WWOX: variants seen among roughly 807,000 people sequenced by gnomAD.
WWOX encodes WW domain containing oxidoreductase, also known as WW domain-containing oxidoreductase.
In WWOX, 69 loss-of-function variants were observed where a neutral mutation model predicts 46.2. The ratio of observed to expected loss-of-function variants is 1.49; its 90% CI spans 1.23 to 1.82. The LOEUF (loss-of-function observed/expected upper bound fraction) is 1.82, where lower values mean the gene tolerates loss of function less well. WWOX is among the 40% of genes most tolerant of loss of function. The pLI, the probability that WWOX is intolerant of heterozygous loss-of-function variation, is 0.00. For missense variants in WWOX, 919 were observed against 542.6 expected (o/e 1.69, Z -6.89); for synonymous variants, 359 against 202.6 (o/e 1.77, Z -6.56).
chr16:78,963,772 A>G (rs762200741), intron 8 of WWOX, among the ~76,000 whole-genome samples: 4 of 152,132 alleles, frequency 2.6e-5, no homozygotes, highest in Non-Finnish European at 5.9e-5. Context: ...TAAAGGTGCT[A>G]CTGACTTGCT....
intron 8 of WWOX, among the ~76,000 whole-genome samples, chr16:79,112,937 G>A (rs2049445149): frequency 6.6e-6 from 1 of 152,170 alleles, no homozygotes. Context: ...AACCACTTTT[G>A]CTCTCTGCTG....
intron 5 of WWOX, among the ~76,000 whole-genome samples, chr16:78,195,603 C>T (rs1056985060): frequency 6.6e-6 from 1 of 151,988 alleles, no homozygotes; most frequent in African/African-American, 2.4e-5. Context: ...GGGCGAATCA[C>T]CCCAGGTCAG....
rs183813264 is a variant in WWOX at position 78,568,929 on chromosome 16, G to C, written c.1056+136177G>C. ...TCCTAACACTGTCATCCTTATACTT[G>C]AGGTCTTATTGTCCACTTCTACCTT... On this transcript the variant is annotated intron_variant, in intron 8 of 8. Transcript: ENST00000566780. 1.1e-4 allele frequency among the ~76,000 whole-genome samples: 16 copies of C among 152,254 alleles called. No homozygotes were observed. In the East Asian group the frequency reaches 3.1e-3, roughly 29 times the overall value.
chr16:78,314,695 T>G (rs1287308570), intron 5 of WWOX, among the ~76,000 whole-genome samples: 1 of 66,162 alleles, frequency 1.5e-5, no homozygotes, highest in Admixed American at 1.5e-4. Flanking sequence ...GGGGTTTTTT[T>G]TTTTTGTTTT....
intron 6 of WWOX, among the ~76,000 whole-genome samples, chr16:78,392,410 T>G (rs190737935): frequency 6.6e-6 from 1 of 152,276 alleles, no homozygotes; most frequent in East Asian, 1.9e-4. Flanking sequence ...TCCCACCGAT[T>G]GTACATTATG....
At chr16:78,545,653 G>A (rs912478222) in intron 8 of WWOX, among the ~76,000 whole-genome samples, 4 of 152,224 alleles carry the variant, frequency 2.6e-5, no homozygotes, top group African/African-American at 9.6e-5. Context: ...AACAGGCACC[G>A]TGTTCATTTG....
chr16:78,304,896 C>A (rs1362172039), intron 5 of WWOX, among the ~76,000 whole-genome samples: 1 of 152,178 alleles, frequency 6.6e-6, no homozygotes, highest in Non-Finnish European at 1.5e-5. Context: ...TCCCCATTTT[C>A]CTCACTATCC....
At chr16:79,019,991 C>A (rs1364855367) in intron 8 of WWOX, among the ~76,000 whole-genome samples, 4 of 152,162 alleles carry the variant, frequency 2.6e-5, no homozygotes, top group African/African-American at 9.7e-5. Flanking sequence ...TCTACTAATC[C>A]CCACTGTGGG....
At chr16:79,085,073 G>C (rs2048829703) in intron 8 of WWOX, among the ~76,000 whole-genome samples, 1 of 152,136 alleles carries the variant, frequency 6.6e-6, no homozygotes, top group African/African-American at 2.4e-5. Flanking sequence ...TTACAGGCAT[G>C]AGTCGCCACA....
chr16:78,281,313 G>C (rs12935780), intron 5 of WWOX, among the ~76,000 whole-genome samples: 1 of 152,114 alleles, frequency 6.6e-6, no homozygotes, highest in Non-Finnish European at 1.5e-5. Context: ...ATGAGATTTG[G>C]GCGGGGACAA....
chr16:78,656,069 T>A (rs2047073715), intron 8 of WWOX, among the ~76,000 whole-genome samples: 1 of 152,218 alleles, frequency 6.6e-6, no homozygotes. Context: ...TATTCTTCTC[T>A]CTTTCTGATT....
chr16:78,754,487 T>C (rs901071226), intron 8 of WWOX, among the ~76,000 whole-genome samples: 1 of 152,208 alleles, frequency 6.6e-6, no homozygotes, highest in East Asian at 1.9e-4. Flanking sequence ...CGCTTTCTTT[T>C]CCTCACCTTC....
At chr16:78,186,929 G>C (rs370122793) in intron 5 of WWOX, among the ~76,000 whole-genome samples, 1 of 152,134 alleles carries the variant, frequency 6.6e-6, no homozygotes, top group Non-Finnish European at 1.5e-5. Flanking sequence ...ATTGACACTG[G>C]CATGATAATA....
chr16:78,406,262 A>G (rs1279692488), intron 6 of WWOX, among the ~76,000 whole-genome samples: 1 of 135,498 alleles, frequency 7.4e-6, no homozygotes, highest in Admixed American at 7.9e-5. Context: ...TTTTGTGAGG[A>G]TGATGATATA....
intron 8 of WWOX, among the ~76,000 whole-genome samples, chr16:78,517,222 T>C (rs17720613): frequency 0.04 from 6,159 of 152,258 alleles, 270 homozygotes; most frequent in South Asian, 0.21. Context: ...TCATCTATTA[T>C]TAAGTTACCT....
chr16:78,362,325 C>G (rs886277975), intron 5 of WWOX, among the ~76,000 whole-genome samples: 1 of 152,102 alleles, frequency 6.6e-6, no homozygotes, highest in Non-Finnish European at 1.5e-5. Flanking sequence ...AAGAAAAAAA[C>G]AGGACAGGCA....
chr16:79,031,448 G>A (rs866871799), intron 8 of WWOX, among the ~76,000 whole-genome samples: 1 of 151,960 alleles, frequency 6.6e-6, no homozygotes, highest in African/African-American at 2.4e-5. Flanking sequence ...GCTGAAGAAA[G>A]GGACTCAATT....
At chr16:78,284,852 T>G (rs2079741042) in intron 5 of WWOX, among the ~76,000 whole-genome samples, 1 of 152,230 alleles carries the variant, frequency 6.6e-6, no homozygotes, top group Non-Finnish European at 1.5e-5. Flanking sequence ...CATACGATAT[T>G]TGATCTTTCA....
chr16:78,720,918 C>A (rs1419876260), intron 8 of WWOX, among the ~76,000 whole-genome samples: 2 of 152,134 alleles, frequency 1.3e-5, no homozygotes, highest in African/African-American at 4.8e-5. Flanking sequence ...CCCCCATCCT[C>A]AGGATGAAAC....
Sources: gnomAD v4.1 joint callset for allele counts (sites outside exome capture counted in the v4.1 genomes callset) on GRCh38, gnomAD v4.1.1 for gene constraint, MANE v1.5 for transcripts, NCBI Gene and HGNC (gene_info 2026-07-23, HGNC 2026-07-21) for gene names.